Variants in WWC1 observed in about 807,000 individuals in gnomAD.
The protein encoded by WWC1 is WW and C2 domain containing 1, also known as protein KIBRA.
A neutral mutation model predicts 138.4 loss-of-function variants in WWC1; 55 were observed. The observed-to-expected ratio is 0.40, with a 90% CI of 0.32 to 0.50. The LOEUF is 0.50. WWC1 is among the 20% of genes least tolerant of loss of function. WWC1 has a pLI of 0.72. For synonymous variants in WWC1, 524 were observed against 564.9 expected, an observed-to-expected ratio of 0.93 and a Z score of 1.03; for missense variants, 1,226 against 1,420.4, an observed-to-expected ratio of 0.86 and a Z score of 2.20.
At chr5:168,360,676 C>T (rs145093229) in intron 1 of WWC1, among the ~76,000 whole-genome samples, 1 of 152,250 alleles carries the variant, frequency 6.6e-6, no homozygotes, top group Non-Finnish European at 1.5e-5. Flanking sequence ...CCAAGGGCAT[C>T]GTCAGGCTTC....
In WWC1 at chr5:168,359,088, C is replaced by G. The variant is rs1775687999; in HGVS notation, c.120-12336C>G. On this transcript the variant is annotated intron_variant, in intron 1 of 22. Coordinates refer to ENST00000265293, the MANE Select transcript of WWC1 (RefSeq NM_015238.3). ...TGTGTGTGTTCGAGACAGACTCTCACTCTGTCACCCAGGCTGGAGTGCAGT... is the reference window on the plus strand; with the variant it reads ...TGTGTGTGTTCGAGACAGACTCTCAGTCTGTCACCCAGGCTGGAGTGCAGT... Among the ~76,000 whole-genome samples the G allele has an allele frequency of 4.0e-5, 6 of 151,458 alleles. 1 individual carries two copies. The South Asian group carries it at 1.2e-3, about 32-fold the overall frequency.
chr5:168,350,188 G>A lies in WWC1; in HGVS notation c.120-21236G>A, dbSNP rs139453181. Among the ~76,000 whole-genome samples, 1,038 of 152,194 alleles carry A rather than the reference G, an allele frequency of 6.8e-3. 5 individuals carry two copies. Among genetic ancestry groups the A allele is most frequent in the Middle Eastern group, 0.027 (8 of 294 alleles). ...TCCTGACTCTGCCTGCTGCTGTATC[G>A]GCTTCGTTCTCAGTTTGCACATGAT... On this transcript the variant is annotated intron_variant, in intron 1 of 22. Coordinates refer to ENST00000265293, the MANE Select transcript of WWC1 (RefSeq NM_015238.3).
At position 168,385,337 on chromosome 5, in the gene WWC1, A is replaced by C; in HGVS notation, c.356A>C (p.Gln119Pro). 6.2e-7 allele frequency: 1 copy of C among 1,614,154 alleles called. No homozygotes were observed. The highest frequency in any genetic ancestry group is 8.5e-7 in the Non-Finnish European group (1 of 1,180,026). Residue 119 changes from glutamine (Q) to proline (P), a missense_variant, in exon 3 of 23, where the codon CAG becomes CCG. Transcript: ENST00000265293. ...AQKEIYQVKQ[Q>P]RLELAQQEYQ... is the part of the protein sequence containing the mutation. ...AAGGAGATCTACCAGGTGAAGCAGC[A>C]GCGCCTGGAGCTTGCACAGCAGGAG...
chr5:168,456,693 CG>C (rs1457729225), intron 19 of WWC1, among the ~76,000 whole-genome samples: 26 of 100,990 alleles, frequency 2.6e-4, no homozygotes, highest in African/African-American at 1.1e-3. Flanking sequence ...GATAATGCTC[CG>C]CCAATTTTTT....
chr5:168,430,652 A>ACT (rs3085213), intron 14 of WWC1, among the ~76,000 whole-genome samples: 102,719 of 151,988 alleles, frequency 0.68, 36,700 homozygotes, highest in East Asian at 0.99. Flanking sequence ...AACACCAGTC[A>ACT]CTGCTTCTCT....
intron 8 of WWC1, chr5:168,414,109 A>G: frequency 1.9e-6 from 1 of 522,440 alleles, no homozygotes; most frequent in South Asian, 2.2e-5. Flanking sequence ...GAACAGGGCA[A>G]GGACATTGCC....
chr5:168,428,634 T>C, intron 12 of WWC1, 73 bp from the exon 13 acceptor site: 1 of 1,469,600 alleles, frequency 6.8e-7, no homozygotes. Flanking sequence ...TTCCTGGGGA[T>C]GTAACCTCAG....
At chr5:168,446,615 G>C (rs1175851795) in intron 17 of WWC1, among the ~76,000 whole-genome samples, 1 of 152,200 alleles carries the variant, frequency 6.6e-6, no homozygotes, top group African/African-American at 2.4e-5. Flanking sequence ...TCAAGAAGCA[G>C]AATGTGACGA....
In WWC1 at chr5:168,404,056, G is replaced by A. The variant is rs767616704; in HGVS notation, c.591-2142G>A. Among the ~76,000 whole-genome samples, 94 of 152,040 alleles carry A rather than the reference G, an allele frequency of 6.2e-4. 2 individuals carry two copies. The highest frequency in any genetic ancestry group is 3.3e-4 in the Admixed American group (5 of 15,280). On this transcript the variant is annotated intron_variant, in intron 5 of 22. Coordinates refer to ENST00000265293, the MANE Select transcript of WWC1 (RefSeq NM_015238.3). ...TCTCTGGAGCCAAATTCCAGAGGCC[G>A]GGTTGCTAAGGCCCTTGAAGAAATC...
At chr5:168,315,220 T>A (rs148743412) in intron 1 of WWC1, among the ~76,000 whole-genome samples, 7 of 151,230 alleles carry the variant, frequency 4.6e-5, no homozygotes, top group African/African-American at 1.7e-4. Flanking sequence ...TTTCTCAGAG[T>A]GTGGTCCACA....
chr5:168,357,521 C>T (rs1775551436), intron 1 of WWC1, among the ~76,000 whole-genome samples: 1 of 149,656 alleles, frequency 6.7e-6, no homozygotes, highest in South Asian at 2.1e-4. Flanking sequence ...CACGTGCGTG[C>T]ATGCCAGGGT....
chr5:168,395,322 C>T (rs1486116877), intron 3 of WWC1, among the ~76,000 whole-genome samples: 5 of 152,222 alleles, frequency 3.3e-5, no homozygotes, highest in Non-Finnish European at 7.3e-5. Context: ...CCCCACACCC[C>T]TTGAGGACGT....
intron 16 of WWC1, among the ~76,000 whole-genome samples, chr5:168,443,424 C>T (rs1176235142): frequency 3.3e-5 from 5 of 152,072 alleles, no homozygotes; most frequent in African/African-American, 1.2e-4. Flanking sequence ...AGAGAGATAA[C>T]CAAATTACAT....
chr5:168,306,643 C>T (rs1290561313), intron 1 of WWC1, among the ~76,000 whole-genome samples: 2 of 152,144 alleles, frequency 1.3e-5, no homozygotes, highest in African/African-American at 4.8e-5. Flanking sequence ...GTGGCCCAGG[C>T]TGGAGTGCAG....
intron 15 of WWC1, among the ~76,000 whole-genome samples, chr5:168,431,737 A>C (rs1157663838): frequency 6.6e-6 from 1 of 152,188 alleles, no homozygotes; most frequent in Non-Finnish European, 1.5e-5. Flanking sequence ...AAAAAGCCAC[A>C]TACTGCAGCT....
intron 1 of WWC1, among the ~76,000 whole-genome samples, chr5:168,327,031 T>A (rs1489496664): frequency 2.0e-5 from 3 of 152,190 alleles, no homozygotes; most frequent in Non-Finnish European, 4.4e-5. Flanking sequence ...AAGGTGTCAT[T>A]TCTTGCTTTG....
rs187541178 is a variant in WWC1, at chr5:168,343,681, G to C, written c.120-27743G>C. ...TACTAAAAATACAAAAATTAGCTGG[G>C]CGTGGTGGCGTGTGCCTGTAATCGC... On this transcript the variant is annotated intron_variant, in intron 1 of 22. Coordinates refer to ENST00000265293, the MANE Select transcript of WWC1 (RefSeq NM_015238.3). 3.0e-3 allele frequency among the ~76,000 whole-genome samples: 459 copies of C among 152,258 alleles called. 8 individuals are homozygous for C. The highest frequency in any genetic ancestry group is 0.011 in the African/African-American group (444 of 41,548).
intron 1 of WWC1, among the ~76,000 whole-genome samples, chr5:168,368,838 C>T (rs558050719): frequency 1.3e-5 from 2 of 152,308 alleles, no homozygotes; most frequent in South Asian, 4.1e-4. Flanking sequence ...TCTGGCAGGG[C>T]ATGGAGGGTG....
chr5:168,405,909 T>G (rs1321780859), intron 5 of WWC1, among the ~76,000 whole-genome samples: 1 of 152,098 alleles, frequency 6.6e-6, no homozygotes, highest in Non-Finnish European at 1.5e-5. Flanking sequence ...GTATTTTTGG[T>G]AGAGACGGGG....
Sources: gnomAD v4.1 joint callset for allele counts (sites outside exome capture counted in the v4.1 genomes callset) on GRCh38, gnomAD v4.1.1 for gene constraint, MANE v1.5 for transcripts, NCBI Gene and HGNC (gene_info 2026-07-23, HGNC 2026-07-21) for gene names.